The following ACVR1B variants were observed in gnomAD, a reference collection of about 807,000 sequenced individuals.
ACVR1B encodes activin A receptor type 1B, also known as activin receptor type-1B.
ACVR1B carries 15 observed loss-of-function variants against 55.6 expected under a neutral mutation model. That is an observed-to-expected ratio of 0.27 (90% confidence interval 0.18 to 0.42). ACVR1B has a LOEUF of 0.42. ACVR1B is among the 10% of genes least tolerant of loss of function. ACVR1B has a pLI of 1.00. For synonymous variants in ACVR1B, 247 were observed against 254.6 expected, an observed-to-expected ratio of 0.97 and a Z score of 0.28; for missense variants, 359 against 670.1, an observed-to-expected ratio of 0.54 and a Z score of 5.13.
chr12:51,970,194 C>G (rs1408623176), intron 1 of ACVR1B, among the ~76,000 whole-genome samples: 2 of 152,036 alleles, frequency 1.3e-5, no homozygotes, highest in African/African-American at 4.8e-5. Context: ...GAAGGTGTTC[C>G]TAGTGTGGCC....
chr12:51,994,292 C>A lies in ACVR1B; in HGVS notation c.*182C>A. ...ACTCCCATGTTGGGTTTGAGACAGA[C>A]ACCTTTTCTATTTACCTCCTAATGG... On this transcript the variant is annotated 3_prime_UTR_variant, in exon 9 of 9. Transcript: ENST00000257963. This position sits in a 1 kb window ranked among gnomAD's most constrained non-coding sequence, Gnocchi z 4.2. 1.3e-6 allele frequency: 1 copy of A among 753,128 alleles called. No individual in the cohort carries two copies. The highest frequency in any genetic ancestry group is 2.1e-6 in the Non-Finnish European group (1 of 480,344). The allele number at this position is 753,128 out of a possible 1,614,324, so 46.7% of individuals were successfully genotyped here. A position where few individuals can be genotyped will look rare whatever the true frequency, so the allele number is the denominator to read the frequency against.
At position 51,994,066 on chromosome 12, in the gene ACVR1B, A is replaced by G. The variant is rs1307834333; in HGVS notation, c.1474A>G (p.Lys492Glu). 6.2e-7 allele frequency: 1 copy of G among 1,614,124 alleles called. No homozygotes were observed. The highest frequency in any genetic ancestry group is 1.1e-5 in the South Asian group (1 of 91,090). The part of the protein sequence containing the change: ...AARLTALRIK[K>E]TLSQLSVQED... ...CCGCCTGACGGCCCTGCGCATCAAGAAGACCCTCTCCCAGCTCAGCGTGCA... is the reference window on the plus strand; with the variant it reads ...CCGCCTGACGGCCCTGCGCATCAAGGAGACCCTCTCCCAGCTCAGCGTGCA... Residue 492 changes from lysine to glutamate, a missense_variant, in exon 9 of 9, where the codon AAG (lysine) becomes GAG (glutamate). Lys to Glu is a moderately conservative substitution (Grantham distance 56). Around this residue, in one of 5 missense-constraint regions of ACVR1B, gnomAD observed 53 missense variants for 78.5 expected, o/e 0.68. Coordinates refer to ENST00000257963, the MANE Select transcript of ACVR1B (RefSeq NM_004302.5). This position sits in a 1 kb window ranked among gnomAD's most constrained non-coding sequence, Gnocchi z 4.2.
chr12:51,989,159 G>T (rs1942138402), intron 7 of ACVR1B, among the ~76,000 whole-genome samples: 1 of 152,122 alleles, frequency 6.6e-6, no homozygotes, highest in South Asian at 2.1e-4. Context: ...AGGAGGTTGA[G>T]GTAGGAGAGA....
Position 51,966,109 on chromosome 12 carries a change from G to A in ACVR1B, c.92-9156G>A, listed in dbSNP as rs11169967. On this transcript the variant is annotated intron_variant, in intron 1 of 8. Coordinates refer to ENST00000257963, the MANE Select transcript of ACVR1B (RefSeq NM_004302.5). ...AAAAAGAATTAACATCACAAAAAGA[G>A]ACAACTGGAAGTTCTGTGCCTTGTG... 1.6e-3 allele frequency among the ~76,000 whole-genome samples: 249 copies of A among 152,188 alleles called. 1 individual carries two copies. The East Asian group carries it at 0.021, about 13-fold the overall frequency.
At position 51,953,412 on chromosome 12, in the gene ACVR1B, T is replaced by A. The variant is rs1231654454; in HGVS notation, c.91+1578T>A. The A allele has an allele frequency of 7.1e-6, 7 of 985,348 alleles. No homozygotes were observed. The East Asian group carries it at 7.9e-4, about 112-fold the overall frequency. 61.0% of individuals were successfully genotyped at this position (985,348 alleles called of 1,614,324 possible). The stretch of plus-strand genomic sequence containing the variant: ...CTCCTAAGCACCTCGTGTGTGTTCT[T>A]CGGCCTCACTGCTCTGTGGCTTAGG... On this transcript the variant is annotated intron_variant, in intron 1 of 8. Transcript: ENST00000257963.
chr12:51,957,733 A>G (rs1417117088), intron 1 of ACVR1B, among the ~76,000 whole-genome samples: 1 of 152,100 alleles, frequency 6.6e-6, no homozygotes, highest in African/African-American at 2.4e-5. Context: ...ACCTTATTTA[A>G]TATATATTGT....
rs545629389 is a variant in ACVR1B, at chr12:51,967,987, C to T, written c.92-7278C>T. On this transcript the variant is annotated intron_variant, in intron 1 of 8. Coordinates refer to ENST00000257963, the MANE Select transcript of ACVR1B (RefSeq NM_004302.5). ...CGGTGGCTCATGCCTGTAAGCCCAG[C>T]ACTTTGGGAGGCTGAGGCGGGTGGA... Among the ~76,000 whole-genome samples, 127 of 152,340 alleles carry T rather than the reference C, an allele frequency of 8.3e-4. 1 individual carries two copies. The highest frequency in any genetic ancestry group is 1.5e-3 in the Non-Finnish European group (104 of 68,034).
Position 51,993,988 on chromosome 12 carries a change from C to T in ACVR1B, c.1396C>T (p.Leu466=), listed in dbSNP as rs745680643. Residue 466 remains leucine (L), a synonymous_variant, in exon 9 of 9, where the codon CTG becomes TTG. Coordinates refer to ENST00000257963, the MANE Select transcript of ACVR1B (RefSeq NM_004302.5). ...TGGCTCCTGGGTCTCTGCACAGGCA[C>T]TGCGGGTGATGGGGAAGATGATGCG... is the stretch of plus-strand genomic sequence containing the variant. ...IPNWWQSYEA[L]RVMGKMMREC... The T allele has an allele frequency of 6.2e-7, 1 of 1,613,936 alleles. No individual in the cohort carries two copies. The highest frequency in any genetic ancestry group is 2.2e-5 in the East Asian group (1 of 44,866).
At chr12:51,993,845 C>T (rs144284973) in intron 8 of ACVR1B, 140 bp from the exon 9 acceptor site, 4 of 855,158 alleles carry the variant, frequency 4.7e-6, no homozygotes, top group East Asian at 7.9e-5. Flanking sequence ...AGAGCATTTC[C>T]CTAAGGTCGG....
intron 1 of ACVR1B, 35 bp from the exon 2 acceptor site, chr12:51,975,230 A>G: frequency 6.3e-7 from 1 of 1,594,344 alleles, no homozygotes; most frequent in Non-Finnish European, 8.5e-7. Context: ...AGATCTCACC[A>G]TTGATGTCAA....
Position 51,994,101 on chromosome 12 carries a change from G to T in ACVR1B, c.1509G>T (p.Val503=). The T allele has an allele frequency of 6.2e-7, 1 of 1,613,610 alleles. No individual in the cohort carries two copies. Residue 503 remains valine (V), a synonymous_variant, in exon 9 of 9, where the codon GTG becomes GTT. Coordinates refer to ENST00000257963, the MANE Select transcript of ACVR1B (RefSeq NM_004302.5). This position sits in a 1 kb window ranked among gnomAD's most constrained non-coding sequence, Gnocchi z 4.2. ...CCCAGCTCAGCGTGCAGGAAGACGT[G>T]AAGATCTAACTGCTCCCTCTCTCCA... ...TLSQLSVQED[V]KI
intron 1 of ACVR1B, among the ~76,000 whole-genome samples, chr12:51,959,337 G>C (rs1366934487): frequency 1.3e-5 from 2 of 152,258 alleles, no homozygotes; most frequent in Non-Finnish European, 2.9e-5. Context: ...GAAGCAAGCA[G>C]ACGTCCATGT....
chr12:51,984,450 A>G (rs1157579294), intron 5 of ACVR1B, among the ~76,000 whole-genome samples: 1 of 152,218 alleles, frequency 6.6e-6, no homozygotes, highest in Admixed American at 6.5e-5. Flanking sequence ...ACGAAGGAGT[A>G]ATCATCTTAG....
intron 1 of ACVR1B, among the ~76,000 whole-genome samples, chr12:51,956,911 C>T (rs565207674): frequency 1.5e-3 from 232 of 151,960 alleles, no homozygotes; most frequent in Non-Finnish European, 2.8e-3. Context: ...AGGTGTACAC[C>T]ACCACACCTG....
chr12:51,984,206 A>T, intron 5 of ACVR1B, 40 bp downstream of exon 5: 2 of 1,611,218 alleles, frequency 1.2e-6, no homozygotes, highest in Non-Finnish European at 1.7e-6. Flanking sequence ...TGGTGTAGGC[A>T]TGAAAGGTCC....
intron 1 of ACVR1B, among the ~76,000 whole-genome samples, chr12:51,954,512 A>G (rs551020895): frequency 3.9e-5 from 6 of 152,372 alleles, no homozygotes; most frequent in Non-Finnish European, 8.8e-5. Flanking sequence ...TTGAGTGGAC[A>G]TGGATTTTAA....
Position 51,981,027 on chromosome 12 carries a change from T to A in ACVR1B, c.639T>A (p.Ile213=). 1 of 1,614,156 alleles carries A rather than the reference T, an allele frequency of 6.2e-7. No homozygotes were observed. Residue 213 remains isoleucine (I), a synonymous_variant, in exon 4 of 9, where the codon ATT becomes ATA. Transcript: ENST00000257963. ...GAACCATCGTTTTACAAGAGATTAT[T>A]GGCAAGGGTCGGTTTGGGGAAGTAT... ...VARTIVLQEI[I]GKGRFGEVWR... is the part of the protein sequence containing the mutation.
At chr12:51,977,524 T>A (rs1243925403) in intron 3 of ACVR1B, among the ~76,000 whole-genome samples, 1 of 152,114 alleles carries the variant, frequency 6.6e-6, no homozygotes, top group Admixed American at 6.6e-5. Flanking sequence ...CTTGTGTTCT[T>A]GACCTCAAGT....
chr12:51,975,632 G>A (rs1196302538), intron 2 of ACVR1B, 128 bp downstream of exon 2: 3 of 1,306,028 alleles, frequency 2.3e-6, no homozygotes, highest in Admixed American at 2.7e-5. Flanking sequence ...GTTCCCGAAG[G>A]TGACAAAGGC....
Sources: allele counts gnomAD v4.1 joint callset (sites outside exome capture counted in the v4.1 genomes callset), GRCh38; gene constraint gnomAD v4.1.1; regional missense constraint gnomAD v4.1.1; non-coding constraint Gnocchi (gnomAD v3.1); transcripts MANE v1.5; gene names NCBI Gene and HGNC (gene_info 2026-07-23, HGNC 2026-07-21).